ROBO1: variants seen among roughly 807,000 people sequenced by gnomAD.
ROBO1 encodes roundabout guidance receptor 1.
A neutral mutation model predicts 195.9 loss-of-function variants in ROBO1; 149 were observed. The observed-to-expected ratio is 0.76, with a 90% CI of 0.67 to 0.87. ROBO1 has a LOEUF of 0.87. ROBO1 is among the 40% of genes least tolerant of loss of function. The pLI is 0.00. For synonymous variants in ROBO1, 816 were observed against 733.2 expected (o/e 1.11, Z -1.82); for missense variants, 1,933 against 2,068.3 (o/e 0.93, Z 1.27).
intron 2 of ROBO1, among the ~76,000 whole-genome samples, chr3:79,151,274 T>A (rs891667204): frequency 6.6e-6 from 1 of 151,700 alleles, no homozygotes; most frequent in Non-Finnish European, 1.5e-5. Flanking sequence ...TAATAATACA[T>A]ACATGCCAAA....
chr3:79,164,388 GTCA>G (rs2081026562), intron 2 of ROBO1, among the ~76,000 whole-genome samples: 1 of 152,112 alleles, frequency 6.6e-6, no homozygotes, highest in African/African-American at 2.4e-5. Flanking sequence ...AGAGATTCAT[GTCA>G]TTTGACAACA....
chr3:79,593,378 A>G (rs1456241591), intron 1 of ROBO1, among the ~76,000 whole-genome samples: 3 of 152,004 alleles, frequency 2.0e-5, no homozygotes, highest in Non-Finnish European at 4.4e-5. Flanking sequence ...TCTGCTAGTA[A>G]TGGGTAAGAT....
chr3:78,934,522 A>G (rs919703256), intron 4 of ROBO1, among the ~76,000 whole-genome samples: 2 of 152,056 alleles, frequency 1.3e-5, no homozygotes, highest in African/African-American at 2.4e-5. Context: ...TCAAACATAA[A>G]AAGTCTGTCC....
At chr3:78,639,317 G>T (rs1327373539) in intron 22 of ROBO1, among the ~76,000 whole-genome samples, 1 of 151,862 alleles carries the variant, frequency 6.6e-6, no homozygotes, top group Non-Finnish European at 1.5e-5. Flanking sequence ...ATAAAAATTA[G>T]CTGAGCCTGA....
At chr3:78,997,520 A>G (rs1220595893) in intron 3 of ROBO1, among the ~76,000 whole-genome samples, 1 of 152,176 alleles carries the variant, frequency 6.6e-6, no homozygotes, top group East Asian at 1.9e-4. Context: ...CAATGCACTC[A>G]GATTGAAGCA....
At chr3:79,595,417 C>T (rs939553024) in intron 1 of ROBO1, among the ~76,000 whole-genome samples, 10 of 151,986 alleles carry the variant, frequency 6.6e-5, no homozygotes, top group Non-Finnish European at 1.5e-4. Context: ...TATCAGTGCA[C>T]GACACCTATT....
In ROBO1 at chr3:79,023,803, A is replaced by G. The variant is rs374455123; in HGVS notation, c.173-84876T>C. On this transcript the variant is annotated intron_variant, in intron 3 of 30. Coordinates refer to ENST00000464233, the MANE Select transcript of ROBO1 (RefSeq NM_002941.4). ...CTGCAACCTCCGCCTCCCATGTCCA[A>G]GTAATTCTCCTTGCCTCATTCTCCC... 6.5e-4 allele frequency among the ~76,000 whole-genome samples: 93 copies of G among 143,664 alleles called. 1 individual carries two copies. The highest frequency in any genetic ancestry group is 2.2e-3 in the African/African-American group (86 of 39,022). 94.2% of individuals were successfully genotyped at this position (143,664 alleles called of 152,430 possible). A position where few individuals can be genotyped will look rare whatever the true frequency, so the allele number is the denominator to read the frequency against.
intron 2 of ROBO1, among the ~76,000 whole-genome samples, chr3:79,180,731 G>GA (rs1362361373): frequency 6.6e-6 from 1 of 152,104 alleles, no homozygotes; most frequent in Non-Finnish European, 1.5e-5. Context: ...TGCTATAAAG[G>GA]AAAAAAGTCA....
chr3:79,382,446 T>TC, intron 2 of ROBO1, among the ~76,000 whole-genome samples: 1 of 151,906 alleles, frequency 6.6e-6, no homozygotes, highest in East Asian at 1.9e-4. Flanking sequence ...CGTGACAAGA[T>TC]ATTCAAGAGT....
intron 1 of ROBO1, among the ~76,000 whole-genome samples, chr3:79,718,808 A>G (rs1198773637): frequency 6.6e-6 from 1 of 152,038 alleles, no homozygotes; most frequent in Non-Finnish European, 1.5e-5. Context: ...TGAATTTTGG[A>G]GAGGAAACTA....
chr3:79,434,957 G>A (rs1289598117), intron 2 of ROBO1, among the ~76,000 whole-genome samples: 8 of 151,920 alleles, frequency 5.3e-5, no homozygotes, highest in Admixed American at 1.3e-4. Context: ...GCAAACTATC[G>A]CAAGGACAAA....
intron 2 of ROBO1, among the ~76,000 whole-genome samples, chr3:79,582,547 C>A (rs1004629275): frequency 6.6e-6 from 1 of 151,966 alleles, no homozygotes; most frequent in Non-Finnish European, 1.5e-5. Context: ...AAACTTGCAA[C>A]AGTCAGTTTT....
At chr3:79,083,771 T>C (rs79595808) in intron 3 of ROBO1, among the ~76,000 whole-genome samples, 3,421 of 152,294 alleles carry the variant, frequency 0.022, 126 homozygotes, top group African/African-American at 0.078. Context: ...AGTATTACCC[T>C]ATTCTATGCT....
At chr3:78,680,086 A>G (rs936109561) in intron 10 of ROBO1, among the ~76,000 whole-genome samples, 19 of 152,198 alleles carry the variant, frequency 1.2e-4, no homozygotes, top group Admixed American at 6.5e-5. Flanking sequence ...TGGGGAAAGG[A>G]TTCCCTATTT....
intron 3 of ROBO1, among the ~76,000 whole-genome samples, chr3:78,946,140 G>A (rs2040429023): frequency 1.3e-5 from 2 of 152,096 alleles, no homozygotes; most frequent in Admixed American, 6.6e-5. Flanking sequence ...TAGCAAGGCA[G>A]GCCAACATTC....
intron 3 of ROBO1, among the ~76,000 whole-genome samples, chr3:79,094,890 CT>C (rs955496369): frequency 2.1e-4 from 31 of 144,600 alleles, no homozygotes; most frequent in African/African-American, 7.7e-4. Context: ...CTTCCTTCCC[CT>C]CACCCTTCCT....
At chr3:79,630,888 A>T (rs1301522733) in intron 1 of ROBO1, among the ~76,000 whole-genome samples, 1 of 133,412 alleles carries the variant, frequency 7.5e-6, no homozygotes, top group Non-Finnish European at 1.6e-5. Flanking sequence ...ACACACGCAC[A>T]TACAAAAAAC....
intron 2 of ROBO1, among the ~76,000 whole-genome samples, chr3:79,552,973 T>A (rs1942576135): frequency 6.6e-6 from 1 of 152,074 alleles, no homozygotes; most frequent in African/African-American, 2.4e-5. Context: ...TGTAAACAAA[T>A]GGAAATATAA....
intron 4 of ROBO1, among the ~76,000 whole-genome samples, chr3:78,805,550 T>C (rs534336506): frequency 3.9e-5 from 6 of 152,122 alleles, no homozygotes; most frequent in African/African-American, 1.4e-4. Flanking sequence ...CAAATATAAA[T>C]AGGGTTTAGA....
Sources: allele counts gnomAD v4.1 joint callset (sites outside exome capture counted in the v4.1 genomes callset), GRCh38; gene constraint gnomAD v4.1.1; transcripts MANE v1.5; gene names NCBI Gene and HGNC (gene_info 2026-07-23, HGNC 2026-07-21).